Variants in ERC2 observed in about 807,000 individuals in gnomAD.
ERC2 encodes the protein ERC protein 2.
A neutral mutation model predicts 114.8 loss-of-function variants in ERC2; 42 were observed. The observed-to-expected ratio is 0.37, with a 90% CI of 0.29 to 0.47. The LOEUF (loss-of-function observed/expected upper bound fraction) is 0.47. Among genes scored for constraint, ERC2 ranks in the 20% least tolerant of loss-of-function variants. ERC2 has a pLI of 0.99. For synonymous variants in ERC2, 454 were observed against 425.5 expected, an observed-to-expected ratio of 1.07 and a Z score of -0.82; for missense variants, 939 against 1,150.7, an observed-to-expected ratio of 0.82 and a Z score of 2.66.
At chr3:56,431,617 A>G (rs1266606689) in intron 2 of ERC2, among the ~76,000 whole-genome samples, 2 of 152,200 alleles carry the variant, frequency 1.3e-5, no homozygotes, top group Non-Finnish European at 2.9e-5. Context: ...ATCCTGACCA[A>G]CAGGTACTCC....
rs776233409 is a variant in ERC2 at position 55,888,501 on chromosome 3, C to T, written c.2452G>A (p.Ala818Thr). Residue 818 changes from alanine (A) to threonine (T), a missense_variant, in exon 14 of 18, where the codon GCC (alanine) becomes ACC (threonine). Transcript: ENST00000288221. ...GTGGAGGCGAGGCGTGCTTTGGTGGCATCCAGTTCCTGTCTGGTCTTCTCC... is the reference window on the plus strand; with the variant it reads ...GTGGAGGCGAGGCGTGCTTTGGTGGTATCCAGTTCCTGTCTGGTCTTCTCC... ...ALEKTRQELD[A>T]TKARLASTQQ... is the part of the protein sequence containing the mutation. The T allele has an allele frequency of 1.2e-6, 2 of 1,613,922 alleles. No homozygotes were observed. Among genetic ancestry groups the T allele is most frequent in the South Asian group, 1.1e-5 (1 of 91,086 alleles).
At chr3:56,373,362 G>C (rs2059423510) in intron 2 of ERC2, among the ~76,000 whole-genome samples, 1 of 152,142 alleles carries the variant, frequency 6.6e-6, no homozygotes, top group Non-Finnish European at 1.5e-5. Context: ...TTTATACATA[G>C]TCAATTTCTA....
chr3:55,583,408 T>TTCCTTCCC (rs2057379863), intron 17 of ERC2, among the ~76,000 whole-genome samples: 1 of 106,972 alleles, frequency 9.3e-6, no homozygotes, highest in Admixed American at 9.0e-5. Flanking sequence ...CTTTCCTTCC[T>TTCCTTCCC]TCCTTCCTTC....
At chr3:55,948,078 G>A (rs969587542) in intron 13 of ERC2, among the ~76,000 whole-genome samples, 2 of 152,160 alleles carry the variant, frequency 1.3e-5, no homozygotes, top group African/African-American at 2.4e-5. Context: ...GTTCTGGTTT[G>A]AACAATAAAA....
chr3:55,981,500 G>C (rs112466690), intron 12 of ERC2, among the ~76,000 whole-genome samples: 1 of 152,126 alleles, frequency 6.6e-6, no homozygotes, highest in African/African-American at 2.4e-5. Context: ...ATTTGGTGAG[G>C]GGAGGGATCA....
chr3:55,874,605 C>A (rs905354410), intron 14 of ERC2, among the ~76,000 whole-genome samples: 6 of 152,020 alleles, frequency 3.9e-5, no homozygotes, highest in African/African-American at 1.4e-4. Context: ...TCTAACAAAT[C>A]TTATGTATCT....
chr3:55,718,086 G>T (rs111814052), intron 15 of ERC2, among the ~76,000 whole-genome samples: 1 of 152,142 alleles, frequency 6.6e-6, no homozygotes, highest in Non-Finnish European at 1.5e-5. Context: ...TTATGTGACC[G>T]CTGTTCTGAC....
At chr3:56,214,221 T>C (rs1027729297) in intron 3 of ERC2, among the ~76,000 whole-genome samples, 1 of 152,058 alleles carries the variant, frequency 6.6e-6, no homozygotes, top group South Asian at 2.1e-4. Context: ...TTCGAACCCA[T>C]GGCAAAGAAG....
intron 6 of ERC2, among the ~76,000 whole-genome samples, chr3:56,098,354 C>T (rs2078173745): frequency 6.6e-6 from 1 of 152,142 alleles, no homozygotes; most frequent in Non-Finnish European, 1.5e-5. Context: ...AGAAGTGGAG[C>T]GTGAGGAAAG....
At chr3:55,837,667 T>C (rs2060957676) in intron 14 of ERC2, among the ~76,000 whole-genome samples, 1 of 151,614 alleles carries the variant, frequency 6.6e-6, no homozygotes, top group African/African-American at 2.4e-5. Flanking sequence ...GACGAGTTAA[T>C]GGGTACAGCA....
intron 13 of ERC2, among the ~76,000 whole-genome samples, chr3:55,929,830 A>G (rs2065968801): frequency 1.3e-5 from 2 of 152,180 alleles, no homozygotes; most frequent in South Asian, 4.1e-4. Flanking sequence ...ATAAGAAGAC[A>G]TGCCTGCGTT....
intron 17 of ERC2, among the ~76,000 whole-genome samples, chr3:55,583,383 TTTCTTTCCTTCCTTCTTTCC>T (rs1170760218): frequency 4.2e-4 from 53 of 126,492 alleles, no homozygotes; most frequent in African/African-American, 1.1e-3. Context: ...TCTTTCCTTC[TTTCTTTCCTTCCTTCTTTCC>T]TTCCTTCCTT....
chr3:55,895,535 C>A (rs534004908), intron 13 of ERC2, among the ~76,000 whole-genome samples: 1 of 152,302 alleles, frequency 6.6e-6, no homozygotes, highest in East Asian at 1.9e-4. Context: ...TTCACCCAAC[C>A]CAACTGCCTT....
rs112300728 is a variant in ERC2 at position 56,234,065 on chromosome 3, C to T, written c.1075-60545G>A. On this transcript the variant is annotated intron_variant, in intron 3 of 17. Coordinates refer to ENST00000288221, the MANE Select transcript of ERC2 (RefSeq NM_015576.3). ...AGATGTCCTCATCTTTAGGGAGATA[C>T]GCCTGAAAGTGTTTTATTTAATGTG... Among the ~76,000 whole-genome samples, 513 of 152,272 alleles carry T rather than the reference C, an allele frequency of 3.4e-3. 2 individuals carry two copies. The highest frequency in any genetic ancestry group is 0.011 in the East Asian group (56 of 5,190).
At chr3:55,548,626 G>A (rs898672908) in intron 17 of ERC2, among the ~76,000 whole-genome samples, 75 of 152,336 alleles carry the variant, frequency 4.9e-4, no homozygotes, top group African/African-American at 1.7e-3. Flanking sequence ...TGGAGAGAAG[G>A]CATCCAAATT....
chr3:55,891,435 C>CTTT (rs1201877280), intron 13 of ERC2, among the ~76,000 whole-genome samples: 2 of 114,784 alleles, frequency 1.7e-5, no homozygotes, highest in African/African-American at 3.2e-5. Context: ...CTGTCTGGTT[C>CTTT]TATTTTTTTT....
intron 17 of ERC2, among the ~76,000 whole-genome samples, chr3:55,599,058 C>G (rs1387603261): frequency 3.9e-5 from 6 of 152,188 alleles, no homozygotes. Context: ...ACAATTTTGG[C>G]AAGGACTCCC....
chr3:55,892,995 A>T (rs1056196043), intron 13 of ERC2, among the ~76,000 whole-genome samples: 2 of 152,034 alleles, frequency 1.3e-5, no homozygotes, highest in African/African-American at 4.8e-5. Flanking sequence ...GAGGCCTCCT[A>T]TATGGGATTA....
At chr3:56,149,952 T>A (rs916830538) in intron 4 of ERC2, among the ~76,000 whole-genome samples, 1 of 152,116 alleles carries the variant, frequency 6.6e-6, no homozygotes, top group East Asian at 1.9e-4. Context: ...AGAGCTCTTA[T>A]AGGGTAACCA....
Sources: gnomAD v4.1 joint callset for allele counts (sites outside exome capture counted in the v4.1 genomes callset) on GRCh38, gnomAD v4.1.1 for gene constraint, MANE v1.5 for transcripts, NCBI Gene and HGNC (gene_info 2026-07-23, HGNC 2026-07-21) for gene names.